DENND2B: variants seen among roughly 807,000 people sequenced by gnomAD.
The protein encoded by DENND2B is DENN domain-containing protein 2B.
Under a neutral mutation model 116.0 loss-of-function variants are expected in DENND2B, and 32 were observed. That is an observed-to-expected ratio of 0.28 (90% confidence interval 0.21 to 0.37). The LOEUF is 0.37. Among genes scored for constraint, DENND2B ranks in the 10% least tolerant of loss-of-function variants. The pLI is 1.00. For synonymous variants in DENND2B, 588 were observed against 583.9 expected (o/e 1.01, Z -0.10); for missense variants, 1,276 against 1,477.7 (o/e 0.86, Z 2.24).
In DENND2B at chr11:8,693,988, G is replaced by T. The variant is rs2039858645; in HGVS notation, c.*108C>A. ...AGAGGTGGGCTGGCTTGGAGGATAG[G>T]ATCTGTGGGGGCAGAGGAGCCACAG... On this transcript the variant is annotated 3_prime_UTR_variant, in exon 20 of 20. Coordinates refer to ENST00000313726, the MANE Select transcript of DENND2B (RefSeq NM_213618.2). 8.3e-7 allele frequency: 1 copy of T among 1,200,702 alleles called. No homozygotes were observed. The highest frequency in any genetic ancestry group is 1.2e-6 in the Non-Finnish European group (1 of 829,674). 74.4% of individuals were successfully genotyped at this position (1,200,702 alleles called of 1,614,324 possible). A position where few individuals can be genotyped will look rare whatever the true frequency, so the allele number is the denominator to read the frequency against.
intron 6 of DENND2B, among the ~76,000 whole-genome samples, chr11:8,714,928 G>C (rs1592598709): frequency 6.6e-6 from 1 of 152,132 alleles, no homozygotes; most frequent in Admixed American, 6.5e-5. Flanking sequence ...GTGGTCTCCT[G>C]CCCCAAGACA....
rs762177413 is a variant in DENND2B, at chr11:8,750,712, G to A, written c.-12C>T. On this transcript the variant is annotated 5_prime_UTR_variant, in exon 2 of 20. Coordinates refer to ENST00000313726, the MANE Select transcript of DENND2B (RefSeq NM_213618.2). ...GCAGTCATGGTCATTTCGGCTCTCTGCAAACCCAGAGCCCTGCAAAGACGA... is the reference window on the plus strand; with the variant it reads ...GCAGTCATGGTCATTTCGGCTCTCTACAAACCCAGAGCCCTGCAAAGACGA... The A allele has an allele frequency of 6.2e-7, 1 of 1,614,120 alleles. No homozygotes were observed. The highest frequency in any genetic ancestry group is 1.1e-5 in the South Asian group (1 of 91,078).
At position 8,697,539 on chromosome 11, in the gene DENND2B, C is replaced by T. The variant is rs756120576; in HGVS notation, c.3038G>A (p.Ser1013Asn). Residue 1013 changes from serine (S) to asparagine (N), a missense_variant, in exon 17 of 20, where the codon AGC becomes AAC. This residue lies in a region of DENND2B where 420 missense variants were observed against 631.1 expected (regional missense o/e 0.67). Coordinates refer to ENST00000313726, the MANE Select transcript of DENND2B (RefSeq NM_213618.2). ...KNELISQDSD[S>N]DSDDECNTLN... ...ACTATTCTCACCATCGTCGGAGTCGCTGTCAGAGTCCTGGGAGATCAGCTC... is the reference window on the plus strand; with the variant it reads ...ACTATTCTCACCATCGTCGGAGTCGTTGTCAGAGTCCTGGGAGATCAGCTC... 1 of 1,613,974 alleles carries T rather than the reference C, an allele frequency of 6.2e-7. No homozygotes were observed. The highest frequency in any genetic ancestry group is 8.5e-7 in the Non-Finnish European group (1 of 1,179,904).
intron 4 of DENND2B, among the ~76,000 whole-genome samples, chr11:8,817,650 C>G (rs1046063683): frequency 6.6e-6 from 1 of 152,162 alleles, no homozygotes; most frequent in Non-Finnish European, 1.5e-5. Context: ...GTTGCGCCCC[C>G]TCTCCTTCAG....
At chr11:8,793,562 T>C (rs1161735209) in intron 1 of DENND2B, among the ~76,000 whole-genome samples, 1 of 152,254 alleles carries the variant, frequency 6.6e-6, no homozygotes, top group Non-Finnish European at 1.5e-5. Flanking sequence ...TCTGTATTAC[T>C]GTGTTTATAC....
chr11:8,863,715 C>A (rs1208856169), intron 2 of DENND2B, among the ~76,000 whole-genome samples: 1 of 152,122 alleles, frequency 6.6e-6, no homozygotes, highest in South Asian at 2.1e-4. Context: ...TGCCATTTTT[C>A]CATGTTAACC....
At chr11:8,788,344 T>G (rs1356741987) in intron 1 of DENND2B, among the ~76,000 whole-genome samples, 3 of 152,210 alleles carry the variant, frequency 2.0e-5, no homozygotes, top group Non-Finnish European at 4.4e-5. Flanking sequence ...GTATCACAAT[T>G]CTTTTCCTCT....
intron 1 of DENND2B, among the ~76,000 whole-genome samples, chr11:8,882,097 T>C (rs2063909770): frequency 6.6e-6 from 1 of 152,194 alleles, no homozygotes; most frequent in Non-Finnish European, 1.5e-5. Flanking sequence ...CAAACTATTA[T>C]CTCTAGCTCC....
At chr11:8,785,508 A>T (rs2058819512) in intron 1 of DENND2B, 1 of 152,014 alleles carries the variant, frequency 6.6e-6, no homozygotes, top group South Asian at 2.1e-4. Flanking sequence ...AGGAAGAATC[A>T]CTCCCTCCCA....
chr11:8,750,834 A>G, intron 1 of DENND2B, 109 bp from the exon 2 acceptor site: 1 of 893,690 alleles, frequency 1.1e-6, no homozygotes, highest in Non-Finnish European at 1.8e-6. Flanking sequence ...TGTGGCAGGT[A>G]GTAGAAACTG....
intron 1 of DENND2B, among the ~76,000 whole-genome samples, chr11:8,909,425 G>A (rs938169989): frequency 9.0e-5 from 3 of 33,258 alleles, no homozygotes; most frequent in Non-Finnish European, 5.1e-4. Flanking sequence ...GGAAGAGGAA[G>A]GAGGAGGAGG....
intron 3 of DENND2B, among the ~76,000 whole-genome samples, chr11:8,849,472 G>A (rs1427918404): frequency 1.9e-4 from 25 of 133,442 alleles, no homozygotes; most frequent in African/African-American, 7.3e-4. Context: ...CAGCCTGGGC[G>A]ACAGAGCTAG....
chr11:8,837,631 T>C (rs1330109532), intron 4 of DENND2B, among the ~76,000 whole-genome samples: 1 of 152,096 alleles, frequency 6.6e-6, no homozygotes, highest in East Asian at 1.9e-4. Context: ...CAGGCGTGAG[T>C]CACCACATCC....
In DENND2B at chr11:8,779,494, T is replaced by TTTTC. The variant is rs577755839; in HGVS notation, c.-25-28773_-25-28770dup. Among the ~76,000 whole-genome samples the TTTTC allele has an allele frequency of 7.7e-3, 1,102 of 142,720 alleles. 11 individuals are homozygous for TTTTC. Among genetic ancestry groups the TTTTC allele is most frequent in the African/African-American group, 0.025 (970 of 38,996 alleles). The allele number at this position is 142,720 out of a possible 152,430, so 93.6% of individuals were successfully genotyped here. On this transcript the variant is annotated intron_variant, in intron 1 of 19. Transcript: ENST00000313726. ...ATGCTCGGGGTTTCCTTTTTCTTTC[T>TTTTC]TTTCTTTCTTTCTTTCTTTCTTTTT...
chr11:8,701,686 C>T (rs900853176), intron 14 of DENND2B, among the ~76,000 whole-genome samples: 1 of 152,124 alleles, frequency 6.6e-6, no homozygotes, highest in Admixed American at 6.5e-5. Flanking sequence ...CTGTGTCACC[C>T]CCTAACCACC....
chr11:8,704,601 A>C (rs1167118855), intron 13 of DENND2B, among the ~76,000 whole-genome samples: 1 of 152,242 alleles, frequency 6.6e-6, no homozygotes, highest in Non-Finnish European at 1.5e-5. Flanking sequence ...TTTTTTGGTC[A>C]GTCCCTCTCC....
chr11:8,761,167 G>A (rs1040564443), intron 1 of DENND2B, among the ~76,000 whole-genome samples: 2 of 152,192 alleles, frequency 1.3e-5, no homozygotes, highest in Admixed American at 1.3e-4. Flanking sequence ...AGCCTGAATT[G>A]GAGTGAGGTC....
intron 3 of DENND2B, among the ~76,000 whole-genome samples, chr11:8,842,588 C>T (rs992264048): frequency 6.6e-6 from 1 of 152,158 alleles, no homozygotes; most frequent in Non-Finnish European, 1.5e-5. Flanking sequence ...ATTCAATCTG[C>T]CCTGCGCAAA....
In DENND2B at chr11:8,707,644, G is replaced by A. The variant is rs1295019577; in HGVS notation, c.2430+133C>T. The A allele has an allele frequency of 8.2e-6, 7 of 858,292 alleles. No individual in the cohort carries two copies. The Admixed American group carries it at 1.4e-4, about 18-fold the overall frequency. The allele number at this position is 858,292 out of a possible 1,614,324, so 53.2% of individuals were successfully genotyped here. A position where few individuals can be genotyped will look rare whatever the true frequency, so the allele number is the denominator to read the frequency against. ...ATGGGAGGGTGTCAGAGAGCTCACTGGTACTTGTTCCTGCATTCTGTCTCC... is the reference window on the plus strand; with the variant it reads ...ATGGGAGGGTGTCAGAGAGCTCACTAGTACTTGTTCCTGCATTCTGTCTCC... On this transcript the variant is annotated intron_variant, in intron 12 of 19. Transcript: ENST00000313726. The surrounding 1 kb of genome is among the most constrained non-coding windows in gnomAD (Gnocchi z 4.8).
Sources: gnomAD v4.1 joint callset for allele counts (sites outside exome capture counted in the v4.1 genomes callset) on GRCh38, gnomAD v4.1.1 for gene constraint, gnomAD v4.1.1 regional missense constraint, Gnocchi (gnomAD v3.1) non-coding constraint, MANE v1.5 for transcripts, NCBI Gene and HGNC (gene_info 2026-07-23, HGNC 2026-07-21) for gene names.